Variants in PSD3 observed in about 807,000 individuals in gnomAD.
PSD3 encodes pleckstrin and Sec7 domain containing 3, also known as PH and SEC7 domain-containing protein 3.
A neutral mutation model predicts 105.5 loss-of-function variants in PSD3; 49 were observed. That is an observed-to-expected ratio of 0.46 (90% CI 0.37 to 0.59). The LOEUF (loss-of-function observed/expected upper bound fraction) is 0.59. Ranked by LOEUF, PSD3 falls within the 20% of genes least tolerant of loss-of-function variation. The pLI, the probability that PSD3 is intolerant of heterozygous loss-of-function variation, is 0.00. For missense variants in PSD3, 1,561 were observed against 1,263.8 expected (o/e 1.24, Z -3.57); for synonymous variants, 557 against 457.8 (o/e 1.22, Z -2.77).
chr8:18,947,825 A>AT (rs1214550737), intron 1 of PSD3, among the ~76,000 whole-genome samples: 3 of 151,780 alleles, frequency 2.0e-5, no homozygotes, highest in Non-Finnish European at 2.9e-5. Context: ...TAGCTGCTTT[A>AT]TTTTTTTTGA....
At chr8:18,983,680 G>A (rs1333854142) in intron 1 of PSD3, among the ~76,000 whole-genome samples, 1 of 152,020 alleles carries the variant, frequency 6.6e-6, no homozygotes, top group Non-Finnish European at 1.5e-5. Flanking sequence ...AGTTCTTGGT[G>A]TCCCAAAGCA....
At chr8:18,630,231 CA>C (rs1243042354) in intron 11 of PSD3, among the ~76,000 whole-genome samples, 1 of 151,604 alleles carries the variant, frequency 6.6e-6, no homozygotes, top group African/African-American at 2.4e-5. Flanking sequence ...CTGCCTTGAC[CA>C]ATCAGAAATT....
At chr8:18,709,814 AC>A (rs1460216630) in intron 9 of PSD3, among the ~76,000 whole-genome samples, 1 of 152,152 alleles carries the variant, frequency 6.6e-6, no homozygotes, top group African/African-American at 2.4e-5. Flanking sequence ...AACAAAAAAG[AC>A]ACCACAAAAA....
chr8:18,931,790 C>T (rs1248544073), intron 2 of PSD3, among the ~76,000 whole-genome samples: 1 of 152,204 alleles, frequency 6.6e-6, no homozygotes. Context: ...AGCCTGTTTA[C>T]TCTGATAGTG....
chr8:18,936,314 C>T (rs193132236), intron 1 of PSD3, among the ~76,000 whole-genome samples, 172 bp from the exon 2 acceptor site: 1 of 152,142 alleles, frequency 6.6e-6, no homozygotes. Context: ...AATCAGAATA[C>T]AAACTATCAC....
intron 4 of PSD3, among the ~76,000 whole-genome samples, chr8:18,815,353 G>C (rs891080043): frequency 6.6e-6 from 1 of 152,072 alleles, no homozygotes; most frequent in African/African-American, 2.4e-5. Context: ...CTGTTGCCCA[G>C]GCTGGAGTGT....
At chr8:18,744,669 T>A (rs1232395298) in intron 9 of PSD3, among the ~76,000 whole-genome samples, 2 of 152,206 alleles carry the variant, frequency 1.3e-5, no homozygotes, top group Non-Finnish European at 2.9e-5. Flanking sequence ...CTCCACCCAG[T>A]CTTCCCTTAA....
chr8:18,761,839 GGGT>G (rs940815826), intron 9 of PSD3, among the ~76,000 whole-genome samples: 52 of 152,230 alleles, frequency 3.4e-4, no homozygotes, highest in African/African-American at 1.2e-3. Flanking sequence ...CATGATCACA[GGGT>G]TAATCAGAAA....
At chr8:18,819,966 A>G (rs1472987020) in intron 4 of PSD3, among the ~76,000 whole-genome samples, 2 of 152,168 alleles carry the variant, frequency 1.3e-5, no homozygotes, top group African/African-American at 4.8e-5. Context: ...GCAAAATTAT[A>G]CTGTTGGTTT....
chr8:18,792,213 G>C (rs1252300511), intron 8 of PSD3, among the ~76,000 whole-genome samples: 1 of 152,126 alleles, frequency 6.6e-6, no homozygotes. Context: ...TCCCATTACT[G>C]GGTATATATG....
chr8:18,962,353 G>T (rs1333806071), intron 1 of PSD3, among the ~76,000 whole-genome samples: 1 of 152,126 alleles, frequency 6.6e-6, no homozygotes, highest in Non-Finnish European at 1.5e-5. Context: ...AAATTTAATA[G>T]CTTGTTGTAA....
intron 4 of PSD3, among the ~76,000 whole-genome samples, chr8:18,838,838 T>C (rs1373779525): frequency 1.4e-5 from 2 of 147,564 alleles, no homozygotes; most frequent in Non-Finnish European, 3.0e-5. Flanking sequence ...ATAATAATAA[T>C]AATAATAATA....
chr8:18,603,671 C>A (rs896788771), intron 11 of PSD3, among the ~76,000 whole-genome samples: 10 of 152,092 alleles, frequency 6.6e-5, no homozygotes, highest in African/African-American at 2.4e-4. Flanking sequence ...GGAGGTGTAG[C>A]CTGGTGGGAG....
chr8:19,030,608 T>A (rs115509469), intron 1 of PSD3, among the ~76,000 whole-genome samples: 1,679 of 152,248 alleles, frequency 0.011, 23 homozygotes, highest in African/African-American at 0.038. Context: ...CCACCACGAT[T>A]GTAAGCTTCC....
At chr8:18,883,575 A>G (rs181145453) in intron 2 of PSD3, among the ~76,000 whole-genome samples, 63 of 152,304 alleles carry the variant, frequency 4.1e-4, no homozygotes, top group Non-Finnish European at 6.8e-4. Context: ...AAACCTGTAT[A>G]TTATTATTTG....
At chr8:18,973,734 G>A (rs1157408359) in intron 1 of PSD3, among the ~76,000 whole-genome samples, 1 of 152,158 alleles carries the variant, frequency 6.6e-6, no homozygotes, top group African/African-American at 2.4e-5. Context: ...TGCTCTAGAT[G>A]GCAGAATTAG....
chr8:18,602,117 G>A (rs572125768), intron 11 of PSD3, among the ~76,000 whole-genome samples: 1 of 152,170 alleles, frequency 6.6e-6, no homozygotes, highest in Non-Finnish European at 1.5e-5. Flanking sequence ...TTTAACAGAA[G>A]AGCCATAGGT....
chr8:18,658,689 A>C (rs1245388465), intron 9 of PSD3, among the ~76,000 whole-genome samples: 2 of 151,500 alleles, frequency 1.3e-5, no homozygotes, highest in Admixed American at 6.6e-5. Context: ...GATCAATCCT[A>C]CTCTGATTTC....
chr8:18,871,350 G>C (rs1817335144), intron 3 of PSD3, among the ~76,000 whole-genome samples: 1 of 152,190 alleles, frequency 6.6e-6, no homozygotes, highest in Non-Finnish European at 1.5e-5. Flanking sequence ...GAAAATGTCA[G>C]AAAAGAATTC....
Sources: gnomAD v4.1 joint callset for allele counts (sites outside exome capture counted in the v4.1 genomes callset) on GRCh38, gnomAD v4.1.1 for gene constraint, MANE v1.5 for transcripts, NCBI Gene and HGNC (gene_info 2026-07-23, HGNC 2026-07-21) for gene names.